CBR4: variants seen among roughly 807,000 people sequenced by gnomAD.
CBR4 encodes carbonyl reductase 4, also known as 3-oxoacyl-[acyl-carrier-protein] reductase.
Under a neutral mutation model 21.0 loss-of-function variants are expected in CBR4, and 22 were observed. The observed-to-expected ratio is 1.05, with a 90% CI of 0.75 to 1.50. The LOEUF (loss-of-function observed/expected upper bound fraction) is 1.50. Ranked by LOEUF, CBR4 falls within the 40% of genes most tolerant of loss-of-function variation. CBR4 has a pLI of 0.00. For missense variants in CBR4, 302 were observed against 286.3 expected (o/e 1.05, Z -0.40); for synonymous variants, 100 against 104.4 (o/e 0.96, Z 0.26).
chr4:168,988,905 AC>A lies in CBR4; in HGVS notation c.*1244del. ...TCAATATAAAATTAAATCTCTGCTT[AC>A]ACAAAATAACTGTCAGCTCCAAATC... On this transcript the variant is annotated 3_prime_UTR_variant, in exon 5 of 5. Transcript: ENST00000306193. 1.0e-6 allele frequency: 1 copy of A among 981,004 alleles called. No homozygotes were observed. Among genetic ancestry groups the A allele is most frequent in the Non-Finnish European group, 1.2e-6 (1 of 825,894 alleles). The allele number at this position is 981,004 out of a possible 1,614,324, so 60.8% of individuals were successfully genotyped here.
At chr4:168,970,053 C>T (rs899935889) in intron 2 of CBR4, among the ~76,000 whole-genome samples, 6 of 152,130 alleles carry the variant, frequency 3.9e-5, no homozygotes, top group Non-Finnish European at 5.9e-5. Context: ...TTCTATGAAA[C>T]GCCTGTTTTT....
chr4:168,959,515 T>A (rs907087625), intron 2 of CBR4, among the ~76,000 whole-genome samples: 5 of 151,896 alleles, frequency 3.3e-5, no homozygotes. Context: ...TTGGCTAATC[T>A]CGGTGGTTTA....
chr4:168,946,031 G>A (rs180855499), intron 2 of CBR4, among the ~76,000 whole-genome samples: 6 of 152,110 alleles, frequency 3.9e-5, no homozygotes, highest in African/African-American at 1.2e-4. Context: ...GTCAACAGAA[G>A]GGCACTGCTT....
intron 2 of CBR4, among the ~76,000 whole-genome samples, chr4:168,976,531 A>AT (rs1764376913): frequency 6.6e-6 from 1 of 152,168 alleles, no homozygotes; most frequent in Non-Finnish European, 1.5e-5. Flanking sequence ...GTTAGGAGCA[A>AT]TTTTTTGTAG....
downstream of CBR4, among the ~76,000 whole-genome samples, chr4:168,985,263 C>T (rs181879582): frequency 7.9e-5 from 12 of 152,094 alleles, 1 homozygote; most frequent in South Asian, 1.0e-3. Context: ...AGAAGACATA[C>T]GTGCAGCCAA....
At chr4:168,977,043 G>A (rs146316229) in intron 2 of CBR4, among the ~76,000 whole-genome samples, 4 of 152,200 alleles carry the variant, frequency 2.6e-5, no homozygotes, top group Non-Finnish European at 5.9e-5. Context: ...AGCATTTGCA[G>A]TGACAAGCCA....
intron 2 of CBR4, among the ~76,000 whole-genome samples, chr4:168,956,369 G>A (rs1486656321): frequency 6.6e-6 from 1 of 151,774 alleles, no homozygotes; most frequent in African/African-American, 2.4e-5. Context: ...ACTTTGGGAG[G>A]CCAAGGCAGG....
chr4:169,009,558 C>T (rs909144970), intron 1 of CBR4, among the ~76,000 whole-genome samples: 6 of 152,222 alleles, frequency 3.9e-5, no homozygotes, highest in South Asian at 4.1e-4. Context: ...GCCCTGTCTC[C>T]GGGGGCCGAG....
intron 4 of CBR4, among the ~76,000 whole-genome samples, chr4:169,000,911 G>C (rs1352039720): frequency 6.6e-6 from 1 of 152,134 alleles, no homozygotes; most frequent in Non-Finnish European, 1.5e-5. Context: ...ACAGACCATA[G>C]TAGTAAAAGG....
intron 2 of CBR4, among the ~76,000 whole-genome samples, chr4:168,952,589 T>A (rs1763571804): frequency 6.6e-6 from 1 of 152,164 alleles, no homozygotes; most frequent in Admixed American, 6.5e-5. Context: ...TTGTTCAGAT[T>A]CTTTTGTCTC....
intron 2 of CBR4, among the ~76,000 whole-genome samples, chr4:168,932,242 TAAAA>T (rs558711167): frequency 1.5e-5 from 2 of 131,388 alleles, no homozygotes; most frequent in Non-Finnish European, 3.3e-5. Flanking sequence ...ACAAAGAACA[TAAAA>T]AAAAAAAACC....
intron 2 of CBR4, among the ~76,000 whole-genome samples, chr4:168,904,678 GA>G (rs899817345): frequency 8.1e-5 from 12 of 149,008 alleles, no homozygotes; most frequent in South Asian, 2.1e-4. Context: ...CTTTTAAAAA[GA>G]AAAAAAAAGG....
At chr4:168,918,885 G>C (rs1415490092) in intron 2 of CBR4, among the ~76,000 whole-genome samples, 2 of 152,064 alleles carry the variant, frequency 1.3e-5, no homozygotes, top group African/African-American at 4.8e-5. Flanking sequence ...TAGATAATTA[G>C]ATTATACCAA....
At chr4:168,991,282 G>A (rs769776789) in intron 4 of CBR4, among the ~76,000 whole-genome samples, 27 of 152,062 alleles carry the variant, frequency 1.8e-4, no homozygotes, top group African/African-American at 6.0e-4. Context: ...TTGCACACCC[G>A]ATTATAACGT....
chr4:168,914,040 C>T (rs1426602487), intron 2 of CBR4: 2 of 1,380,104 alleles, frequency 1.4e-6, no homozygotes, highest in Non-Finnish European at 2.1e-6. Flanking sequence ...CATGTTCCTT[C>T]CCAGAAGTGT....
intron 2 of CBR4, among the ~76,000 whole-genome samples, chr4:168,958,786 C>G (rs1210845482): frequency 6.6e-6 from 1 of 152,146 alleles, no homozygotes; most frequent in Non-Finnish European, 1.5e-5. Flanking sequence ...CTTTGCATTT[C>G]CCTGGTGACT....
intron 4 of CBR4, chr4:169,001,428 A>T (rs957114485): frequency 1.3e-5 from 2 of 152,074 alleles, no homozygotes; most frequent in African/African-American, 4.8e-5. Flanking sequence ...TATTTCTAAG[A>T]CCCTCTCCAC....
intron 2 of CBR4, among the ~76,000 whole-genome samples, chr4:168,949,692 G>GTACC (rs1763485535): frequency 6.6e-6 from 1 of 152,140 alleles, no homozygotes; most frequent in African/African-American, 2.4e-5. Context: ...AAAAGGATTG[G>GTACC]TACCAATTCT....
chr4:168,940,437 A>C (rs1342565662), intron 2 of CBR4, among the ~76,000 whole-genome samples: 1 of 152,216 alleles, frequency 6.6e-6, no homozygotes, highest in Non-Finnish European at 1.5e-5. Flanking sequence ...AAAATTGACA[A>C]ATGGGATCTA....
Sources: gnomAD v4.1 joint callset for allele counts (sites outside exome capture counted in the v4.1 genomes callset) on GRCh38, gnomAD v4.1.1 for gene constraint, MANE v1.5 for transcripts, NCBI Gene and HGNC (gene_info 2026-07-23, HGNC 2026-07-21) for gene names.